DOCK9: variants seen among roughly 807,000 people sequenced by gnomAD.
DOCK9 encodes the protein dedicator of cytokinesis 9, also known as dedicator of cytokinesis protein 9.
DOCK9 carries 89 observed loss-of-function variants against 263.3 expected under a neutral mutation model. The observed-to-expected ratio is 0.34, with a 90% CI of 0.28 to 0.40. The LOEUF is 0.40. Among genes scored for constraint, DOCK9 ranks in the 10% least tolerant of loss-of-function variants. The pLI, the probability that DOCK9 is intolerant of heterozygous loss-of-function variation, is 1.00. For synonymous variants in DOCK9, 976 were observed against 973.1 expected (o/e 1.00, Z -0.06); for missense variants, 2,140 against 2,603.4 (o/e 0.82, Z 3.87).
chr13:98,869,974 A>G (rs939991199), intron 27 of DOCK9, among the ~76,000 whole-genome samples: 1 of 152,202 alleles, frequency 6.6e-6, no homozygotes, highest in Non-Finnish European at 1.5e-5. Context: ...GATCTTGGGG[A>G]ACTAGCTGCC....
intron 7 of DOCK9, among the ~76,000 whole-genome samples, chr13:98,915,978 A>G (rs1291963330): frequency 6.6e-6 from 1 of 152,152 alleles, no homozygotes; most frequent in Non-Finnish European, 1.5e-5. Context: ...ACCATTATCT[A>G]TTACTATGTT....
chr13:98,857,064 T>C (rs924313418), intron 33 of DOCK9: 2 of 152,242 alleles, frequency 1.3e-5, no homozygotes, highest in African/African-American at 4.8e-5. Context: ...TTAGATAAGA[T>C]TTAAATAAAT....
At chr13:98,794,818 T>G in intron 52 of DOCK9, 70 bp from the exon 53 acceptor site, 1 of 1,533,112 alleles carries the variant, frequency 6.5e-7, no homozygotes, top group Non-Finnish European at 9.0e-7. Flanking sequence ...TGTTGCCATG[T>G]GTGACACAAT....
chr13:98,827,023 G>A, intron 43 of DOCK9, 136 bp from the exon 44 acceptor site: 1 of 587,266 alleles, frequency 1.7e-6, no homozygotes. Context: ...TCTAATAGCT[G>A]ATATCTTACC....
At chr13:98,812,130 T>A (rs1486696679) in intron 45 of DOCK9, among the ~76,000 whole-genome samples, 1 of 66,618 alleles carries the variant, frequency 1.5e-5, no homozygotes, top group African/African-American at 5.3e-5. Context: ...CCACAGGATT[T>A]TTTTTTTTTT....
At chr13:98,855,753 C>T (rs1412362733) in intron 34 of DOCK9, 145 bp downstream of exon 34, 1 of 854,250 alleles carries the variant, frequency 1.2e-6, no homozygotes, top group Non-Finnish European at 1.8e-6. Flanking sequence ...AACCTTAAAG[C>T]TCTCATCACC....
rs186909327 is a variant in DOCK9, at chr13:98,860,421, G to A, written c.3681C>T (p.Gly1227=). 29 of 1,589,596 alleles carry A rather than the reference G, an allele frequency of 1.8e-5. No homozygotes were observed. Among genetic ancestry groups the A allele is most frequent in the Admixed American group, 1.4e-4 (8 of 57,068 alleles). The part of the protein sequence containing the change: ...LDNSLHKDLL[G]AISGIASPYT... ...GAGCGTTACCAATGCCGGAGATGGC[G>A]CCCAGCAGGTCCTTGTGCAGGCTGT... Residue 1227 remains glycine, a synonymous_variant, in exon 33 of 53, where the codon GGC becomes GGT. Coordinates refer to ENST00000682017, the MANE Select transcript of DOCK9 (RefSeq NM_001366683.2).
chr13:98,855,306 G>A (rs922742566), intron 34 of DOCK9, among the ~76,000 whole-genome samples: 9 of 152,324 alleles, frequency 5.9e-5, no homozygotes, highest in African/African-American at 2.2e-4. Context: ...AGGTGTAGTG[G>A]CTCACGCCTG....
intron 2 of DOCK9, among the ~76,000 whole-genome samples, chr13:98,954,874 A>C (rs566676855): frequency 6.6e-6 from 1 of 151,836 alleles, no homozygotes; most frequent in African/African-American, 2.4e-5. Flanking sequence ...ACACACACAC[A>C]CACACACACA....
upstream of DOCK9, among the ~76,000 whole-genome samples, chr13:98,980,692 G>T (rs1195781639): frequency 6.6e-6 from 1 of 152,166 alleles, no homozygotes; most frequent in African/African-American, 2.4e-5. Context: ...TAAACTCAGG[G>T]CTTTTGCTGT....
chr13:99,086,413 G>A (rs2042344531), exon 1 of DOCK9: 22 of 968,622 alleles, frequency 2.3e-5, no homozygotes, highest in Non-Finnish European at 2.7e-5. Context: ...CCGCGCGGCC[G>A]CCAGGTGCGC....
At position 98,794,243 on chromosome 13, in the gene DOCK9, G is replaced by A. The variant is rs2089050751; in HGVS notation, c.*383C>T. On this transcript the variant is annotated 3_prime_UTR_variant, in exon 53 of 53. Coordinates refer to ENST00000682017, the MANE Select transcript of DOCK9 (RefSeq NM_001366683.2). ...TCAAGATTTTCCAGCTCAGCCTCGAGGCAAAAGGTCCCCCAGGCATCAATG... is the reference window on the plus strand; with the variant it reads ...TCAAGATTTTCCAGCTCAGCCTCGAAGCAAAAGGTCCCCCAGGCATCAATG... 2 of 192,016 alleles carry A rather than the reference G, an allele frequency of 1.0e-5. No homozygotes were observed. The highest frequency in any genetic ancestry group is 1.9e-4 in the South Asian group (1 of 5,236). The allele number at this position is 192,016 out of a possible 1,614,324, so 11.9% of individuals were successfully genotyped here.
At chr13:98,923,925 C>T (rs1239038435) in intron 4 of DOCK9, among the ~76,000 whole-genome samples, 4 of 152,136 alleles carry the variant, frequency 2.6e-5, no homozygotes, top group Non-Finnish European at 4.4e-5. Context: ...ACGGCAGAGT[C>T]GTCTGAGGCA....
intron 1 of DOCK9, among the ~76,000 whole-genome samples, chr13:99,012,010 A>G (rs1230756344): frequency 6.6e-6 from 1 of 152,040 alleles, no homozygotes. Flanking sequence ...TTTTGTACAG[A>G]CGGGGTTTCA....
At position 98,863,479 on chromosome 13, in the gene DOCK9, C is replaced by T. The variant is rs751986252; in HGVS notation, c.3356G>A (p.Arg1119Lys). The change falls in exon 31 of 53, where the codon AGG becomes AAG. Residue 1119 changes from arginine to lysine, a missense_variant. Arg to Lys is a conservative substitution (Grantham distance 26). Coordinates refer to ENST00000682017, the MANE Select transcript of DOCK9 (RefSeq NM_001366683.2). ...CTCCTGGAGGGCTGTCCCCACCTCC[C>T]TCAGTAACAGTCCCACCAAGAAGTG... Reference protein sequence around the residue: ...RNHFLVGLLLREVGTALQEFR... With the variant: ...RNHFLVGLLLKEVGTALQEFR... The T allele has an allele frequency of 1.9e-6, 3 of 1,613,968 alleles. No homozygotes were observed. Among genetic ancestry groups the T allele is most frequent in the Non-Finnish European group, 2.5e-6 (3 of 1,179,898 alleles).
At chr13:98,811,131 G>C (rs138655875) in intron 45 of DOCK9, among the ~76,000 whole-genome samples, 1 of 152,262 alleles carries the variant, frequency 6.6e-6, no homozygotes, top group African/African-American at 2.4e-5. Context: ...TCTGTTAAAG[G>C]TTTGGATTGA....
chr13:99,049,479 T>A (rs919708605), intron 1 of DOCK9, among the ~76,000 whole-genome samples: 1 of 151,786 alleles, frequency 6.6e-6, no homozygotes, highest in Non-Finnish European at 1.5e-5. Flanking sequence ...AAAAGACAAA[T>A]CTGGACTGAG....
intron 1 of DOCK9, among the ~76,000 whole-genome samples, chr13:99,023,167 T>C (rs1886314789): frequency 6.6e-6 from 1 of 152,194 alleles, no homozygotes; most frequent in African/African-American, 2.4e-5. Flanking sequence ...ACACCCACGT[T>C]CATAGGCAGC....
chr13:98,996,549 G>C (rs1881084687), intron 1 of DOCK9, among the ~76,000 whole-genome samples: 2 of 152,192 alleles, frequency 1.3e-5, no homozygotes, highest in Admixed American at 6.5e-5. Context: ...AAGAATTTCT[G>C]ACCTGGAGGG....
Sources: gnomAD v4.1 joint callset for allele counts (sites outside exome capture counted in the v4.1 genomes callset) on GRCh38, gnomAD v4.1.1 for gene constraint, MANE v1.5 for transcripts, NCBI Gene and HGNC (gene_info 2026-07-23, HGNC 2026-07-21) for gene names.